Variants in CTNND2 observed in about 807,000 individuals in gnomAD.
CTNND2 encodes catenin delta 2.
CTNND2 carries 22 observed loss-of-function variants against 144.4 expected under a neutral mutation model. The observed-to-expected ratio is 0.15, with a 90% confidence interval of 0.11 to 0.22. The LOEUF is 0.22. CTNND2 is among the 10% of genes least tolerant of loss of function. The probability of loss-of-function intolerance (pLI) is 1.00; values close to 1 mark genes in which losing one functional copy is unlikely to be tolerated. For missense variants in CTNND2, 1,353 were observed against 1,618.8 expected (o/e 0.84, Z 2.82); for synonymous variants, 751 against 695.6 (o/e 1.08, Z -1.25).
chr5:11,101,396 T>C (rs10513072), intron 14 of CTNND2, among the ~76,000 whole-genome samples: 11,116 of 152,282 alleles, frequency 0.073, 532 homozygotes, highest in Non-Finnish European at 0.1. Context: ...AGGATCAGAC[T>C]GATGTAGGTG....
Position 11,022,819 on chromosome 5 carries a change from A to G in CTNND2, c.2949T>C (p.Asp983=). The change falls in exon 17 of 22, where the codon GAT becomes GAC. Residue 983 remains aspartate (D), a synonymous_variant. Transcript: ENST00000304623. The stretch of plus-strand genomic sequence containing the variant: ...CGACCAACTTCTCGATGCCACCGGC[A>G]TCCCGTAAGGCCTTGGCGTTCTCCA... ...KNMENAKALR[D]AGGIEKLVGI... 14 of 1,614,212 alleles carry G rather than the reference A, an allele frequency of 8.7e-6. No individual in the cohort carries two copies. Among genetic ancestry groups the G allele is most frequent in the East Asian group, 2.2e-5 (1 of 44,884 alleles).
intron 3 of CTNND2, among the ~76,000 whole-genome samples, chr5:11,462,478 C>T (rs1007521646): frequency 6.6e-6 from 1 of 151,864 alleles, no homozygotes; most frequent in Non-Finnish European, 1.5e-5. Flanking sequence ...GAGAGGAGTC[C>T]GATAGTGTCA....
intron 2 of CTNND2, among the ~76,000 whole-genome samples, chr5:11,618,586 A>G (rs554208176): frequency 6.6e-6 from 1 of 152,356 alleles, no homozygotes; most frequent in South Asian, 2.1e-4. Flanking sequence ...GTCAAATGAT[A>G]ATAAATGTAA....
At chr5:11,585,222 T>C (rs1778753253) in intron 2 of CTNND2, among the ~76,000 whole-genome samples, 1 of 152,082 alleles carries the variant, frequency 6.6e-6, no homozygotes, top group African/African-American at 2.4e-5. Flanking sequence ...GGTCTTACTC[T>C]GCTCCGATGC....
chr5:11,745,553 C>T (rs1788263587), intron 1 of CTNND2, among the ~76,000 whole-genome samples: 1 of 152,148 alleles, frequency 6.6e-6, no homozygotes, highest in African/African-American at 2.4e-5. Flanking sequence ...TAGCTGAGAC[C>T]TCACAGTTGA....
intron 10 of CTNND2, among the ~76,000 whole-genome samples, chr5:11,222,362 C>T (rs1391220535): frequency 7.2e-5 from 11 of 152,194 alleles, no homozygotes; most frequent in African/African-American, 2.2e-4. Flanking sequence ...GTCTGACTCA[C>T]GTCTGTTTTG....
chr5:11,744,056 C>T (rs751091976), intron 1 of CTNND2, among the ~76,000 whole-genome samples: 31 of 152,158 alleles, frequency 2.0e-4, no homozygotes, highest in Non-Finnish European at 3.2e-4. Flanking sequence ...GGGGAGACGC[C>T]TAAGCAGCCA....
chr5:11,888,463 C>T (rs1327354330), intron 1 of CTNND2, among the ~76,000 whole-genome samples: 1 of 152,144 alleles, frequency 6.6e-6, no homozygotes, highest in Non-Finnish European at 1.5e-5. Context: ...TCCCCCATGA[C>T]CTAAGAGTTG....
At chr5:11,551,146 C>A (rs917252814) in intron 3 of CTNND2, among the ~76,000 whole-genome samples, 1 of 152,162 alleles carries the variant, frequency 6.6e-6, no homozygotes, top group East Asian at 1.9e-4. Context: ...ATGTGCAGTA[C>A]GTGGCCTCTC....
chr5:11,847,601 T>C (rs1361036957), intron 1 of CTNND2, among the ~76,000 whole-genome samples: 2 of 152,062 alleles, frequency 1.3e-5, no homozygotes, highest in African/African-American at 4.8e-5. Context: ...CAATGTAGTA[T>C]ATATTTCGAA....
At chr5:11,239,859 T>TGTG (rs1374454222) in intron 9 of CTNND2, among the ~76,000 whole-genome samples, 2 of 152,224 alleles carry the variant, frequency 1.3e-5, no homozygotes, top group African/African-American at 2.4e-5. Flanking sequence ...ACCGTCATGC[T>TGTG]GTGGGCCATG....
chr5:11,686,629 T>C (rs188934817), intron 2 of CTNND2, among the ~76,000 whole-genome samples: 5 of 152,046 alleles, frequency 3.3e-5, no homozygotes, highest in African/African-American at 2.4e-5. Flanking sequence ...TGCTGATGAA[T>C]AGTAGAAGGA....
intron 7 of CTNND2, among the ~76,000 whole-genome samples, chr5:11,383,095 T>C (rs1413748272): frequency 2.0e-5 from 3 of 152,162 alleles, no homozygotes; most frequent in Non-Finnish European, 4.4e-5. Context: ...ACTGAAATGA[T>C]AGACTAGAAC....
chr5:11,715,191 A>T (rs1478962462), intron 2 of CTNND2, among the ~76,000 whole-genome samples: 1 of 152,214 alleles, frequency 6.6e-6, no homozygotes, highest in African/African-American at 2.4e-5. Context: ...CCATAGCCAG[A>T]GCAGATGTGA....
chr5:11,123,602 C>G (rs1161605693), intron 12 of CTNND2, among the ~76,000 whole-genome samples: 1 of 152,248 alleles, frequency 6.6e-6, no homozygotes, highest in African/African-American at 2.4e-5. Flanking sequence ...AACCTGTGTT[C>G]AGCCCTGTGG....
At chr5:11,225,506 A>G (rs1409186829) in intron 10 of CTNND2, among the ~76,000 whole-genome samples, 1 of 152,148 alleles carries the variant, frequency 6.6e-6, no homozygotes, top group African/African-American at 2.4e-5. Flanking sequence ...CTCTTCTTTT[A>G]TATCACCAGC....
In CTNND2 at chr5:11,517,138, G is replaced by T. The variant is rs537171994; in HGVS notation, c.287+47806C>A. ...TGTTTATGTTCCACACGTGATATGT[G>T]ACGTACACACTGCTAAATACCAAGC... On this transcript the variant is annotated intron_variant, in intron 3 of 21. Transcript: ENST00000304623. 7.2e-5 allele frequency among the ~76,000 whole-genome samples: 11 copies of T among 152,250 alleles called. No individual in the cohort carries two copies. In the East Asian group the frequency reaches 2.1e-3, roughly 29 times the overall value.
chr5:11,291,745 A>G (rs546115262), intron 9 of CTNND2, among the ~76,000 whole-genome samples: 2 of 152,262 alleles, frequency 1.3e-5, no homozygotes, highest in South Asian at 4.1e-4. Flanking sequence ...CCAGTACCTG[A>G]TAACATGGAA....
At chr5:11,879,131 C>T (rs74851716) in intron 1 of CTNND2, among the ~76,000 whole-genome samples, 1 of 151,658 alleles carries the variant, frequency 6.6e-6, no homozygotes, top group Admixed American at 6.6e-5. Context: ...TGCAGCACCA[C>T]GGAGCCCCAA....
Sources: allele counts gnomAD v4.1 joint callset (sites outside exome capture counted in the v4.1 genomes callset), GRCh38; gene constraint gnomAD v4.1.1; transcripts MANE v1.5; gene names NCBI Gene and HGNC (gene_info 2026-07-23, HGNC 2026-07-21).